Variants in THSD7B observed in about 807,000 individuals in gnomAD.
THSD7B encodes thrombospondin type-1 domain-containing protein 7B.
In THSD7B, 138 loss-of-function variants were observed where a neutral mutation model predicts 213.6. The ratio of observed to expected loss-of-function variants is 0.65; its 90% CI spans 0.56 to 0.74. The LOEUF is 0.74. THSD7B is among the 30% of genes least tolerant of loss of function. THSD7B has a pLI of 0.00. For synonymous variants in THSD7B, 742 were observed against 687.0 expected (o/e 1.08, Z -1.25); for missense variants, 1,931 against 1,991.5 (o/e 0.97, Z 0.58).
intron 12 of THSD7B, among the ~76,000 whole-genome samples, chr2:137,328,953 C>T (rs1183539017): frequency 6.6e-6 from 1 of 152,180 alleles, no homozygotes; most frequent in Non-Finnish European, 1.5e-5. Flanking sequence ...TTATAAATTA[C>T]CCAGGCTCAG....
intron 15 of THSD7B, among the ~76,000 whole-genome samples, chr2:137,500,362 A>G (rs1679673755): frequency 6.6e-6 from 1 of 152,204 alleles, no homozygotes; most frequent in Admixed American, 6.5e-5. Flanking sequence ...TTTTTGACTC[A>G]GTAGCAAAGA....
At chr2:137,099,733 C>A (rs1243194597) in intron 4 of THSD7B, among the ~76,000 whole-genome samples, 1 of 152,146 alleles carries the variant, frequency 6.6e-6, no homozygotes, top group Non-Finnish European at 1.5e-5. Flanking sequence ...GTGACAGTGA[C>A]CAATACCAAG....
At chr2:137,182,945 C>T (rs945897347) in intron 7 of THSD7B, among the ~76,000 whole-genome samples, 10 of 152,136 alleles carry the variant, frequency 6.6e-5, no homozygotes, top group Admixed American at 5.2e-4. Flanking sequence ...GTTCTTAAAA[C>T]AGTTCCTGGC....
chr2:137,267,947 T>C (rs1045118667), intron 10 of THSD7B, among the ~76,000 whole-genome samples: 2 of 152,194 alleles, frequency 1.3e-5, no homozygotes, highest in Non-Finnish European at 2.9e-5. Context: ...AGCTACTACT[T>C]GGCCTTTGCC....
At chr2:137,253,142 A>G (rs528082032) in intron 10 of THSD7B, among the ~76,000 whole-genome samples, 8 of 152,200 alleles carry the variant, frequency 5.3e-5, no homozygotes, top group South Asian at 2.1e-4. Flanking sequence ...TTTAGTTCAG[A>G]CAAGCAAAAT....
intron 10 of THSD7B, among the ~76,000 whole-genome samples, chr2:137,264,527 C>T (rs547014318): frequency 2.0e-5 from 3 of 152,208 alleles, no homozygotes; most frequent in Admixed American, 2.0e-4. Context: ...GAATTACAGG[C>T]GTGAGCCACC....
At chr2:137,130,652 G>A (rs2104952943) in intron 5 of THSD7B, among the ~76,000 whole-genome samples, 1 of 150,850 alleles carries the variant, frequency 6.6e-6, no homozygotes, top group East Asian at 2.0e-4. Context: ...CCTTGAGATA[G>A]TTTACTGAGA....
At chr2:136,939,316 G>A (rs1684781280) in intron 2 of THSD7B, among the ~76,000 whole-genome samples, 2 of 152,092 alleles carry the variant, frequency 1.3e-5, no homozygotes, top group African/African-American at 4.8e-5. Flanking sequence ...CTGCTCTCTT[G>A]ATGTATCCTT....
At chr2:137,023,626 C>G (rs1378336581) in intron 2 of THSD7B, among the ~76,000 whole-genome samples, 1 of 152,122 alleles carries the variant, frequency 6.6e-6, no homozygotes, top group Non-Finnish European at 1.5e-5. Flanking sequence ...GACTCTTTTT[C>G]AGTAGTTTTA....
chr2:137,399,118 C>T (rs1176209300), intron 12 of THSD7B, among the ~76,000 whole-genome samples: 1 of 151,986 alleles, frequency 6.6e-6, no homozygotes, highest in Non-Finnish European at 1.5e-5. Context: ...CAGAAATCAC[C>T]TGTCTTCTGC....
intron 15 of THSD7B, among the ~76,000 whole-genome samples, chr2:137,494,809 G>A (rs1213790337): frequency 6.6e-6 from 1 of 152,102 alleles, no homozygotes; most frequent in Non-Finnish European, 1.5e-5. Flanking sequence ...CAGTCATCTA[G>A]AATTACATGC....
chr2:137,466,584 G>A (rs1656232008), intron 15 of THSD7B, among the ~76,000 whole-genome samples: 1 of 151,968 alleles, frequency 6.6e-6, no homozygotes, highest in Non-Finnish European at 1.5e-5. Flanking sequence ...ATGTGGCTCA[G>A]GGAAGCCAAA....
intron 4 of THSD7B, among the ~76,000 whole-genome samples, chr2:137,107,721 G>A (rs935017385): frequency 6.6e-6 from 1 of 152,160 alleles, no homozygotes; most frequent in African/African-American, 2.4e-5. Context: ...CTCCTGGATG[G>A]AAGATTTGCT....
At chr2:137,533,613 A>G (rs1680442520) in intron 15 of THSD7B, among the ~76,000 whole-genome samples, 1 of 151,946 alleles carries the variant, frequency 6.6e-6, no homozygotes, top group African/African-American at 2.4e-5. Context: ...GATATGCAAA[A>G]CATTGCATTG....
At chr2:137,306,306 T>G (rs1683742229) in intron 12 of THSD7B, among the ~76,000 whole-genome samples, 1 of 152,120 alleles carries the variant, frequency 6.6e-6, no homozygotes, top group South Asian at 2.1e-4. Flanking sequence ...AAAAAGTCAT[T>G]ACGTGGCACA....
intron 14 of THSD7B, among the ~76,000 whole-genome samples, chr2:137,413,543 G>A (rs1173667741): frequency 2.0e-5 from 3 of 152,194 alleles, no homozygotes; most frequent in Non-Finnish European, 2.9e-5. Flanking sequence ...AGATGTGAAA[G>A]GTAAGAAGGA....
chr2:137,094,337 A>G (rs1055200166), intron 3 of THSD7B, among the ~76,000 whole-genome samples: 8 of 152,296 alleles, frequency 5.3e-5, no homozygotes, highest in African/African-American at 1.9e-4. Context: ...TTGGGAGGCC[A>G]AGGTGGGTGG....
intron 1 of THSD7B, among the ~76,000 whole-genome samples, chr2:136,862,654 C>T (rs1683273235): frequency 6.6e-6 from 1 of 152,078 alleles, no homozygotes; most frequent in African/African-American, 2.4e-5. Context: ...TAGAGAAGAC[C>T]CTCCAGATGA....
intron 12 of THSD7B, among the ~76,000 whole-genome samples, chr2:137,357,914 C>T (rs1685170392): frequency 6.6e-6 from 1 of 152,208 alleles, no homozygotes; most frequent in South Asian, 2.1e-4. Flanking sequence ...AGGCTTTGCT[C>T]TGTATTTCCA....
Sources: gnomAD v4.1 joint callset for allele counts (sites outside exome capture counted in the v4.1 genomes callset) on GRCh38, gnomAD v4.1.1 for gene constraint, MANE v1.5 for transcripts, NCBI Gene and HGNC (gene_info 2026-07-23, HGNC 2026-07-21) for gene names.